Variants in ANKRD28 observed in about 807,000 individuals in gnomAD.
ANKRD28 encodes the protein serine/threonine-protein phosphatase 6 regulatory ankyrin repeat subunit A.
A neutral mutation model predicts 126.5 loss-of-function variants in ANKRD28; 44 were observed. That is an observed-to-expected ratio of 0.35 (90% confidence interval 0.27 to 0.45). The LOEUF is 0.45. ANKRD28 is among the 20% of genes least tolerant of loss of function. The pLI, the probability that ANKRD28 is intolerant of heterozygous loss-of-function variation, is 1.00. For synonymous variants in ANKRD28, 442 were observed against 468.5 expected, an observed-to-expected ratio of 0.94 and a Z score of 0.73; for missense variants, 1,110 against 1,316.6, an observed-to-expected ratio of 0.84 and a Z score of 2.43.
intron 1 of ANKRD28, among the ~76,000 whole-genome samples, chr3:15,835,175 G>C (rs190693931): frequency 1.0e-3 from 153 of 152,134 alleles, no homozygotes; most frequent in African/African-American, 3.4e-3. Flanking sequence ...AAAAGAAAGA[G>C]AGAATTAAAA....
At chr3:15,684,505 T>G (rs770158344) in intron 21 of ANKRD28, 1 of 152,198 alleles carries the variant, frequency 6.6e-6, no homozygotes, top group African/African-American at 2.4e-5. Context: ...TCAGAAAACA[T>G]ACATAGATTT....
chr3:15,853,626 C>T lies in ANKRD28; in HGVS notation c.27+5751G>A, dbSNP rs1225523415. ...CTGGGACTACAGGCGCCCGCCACCACGCCTGGCTAATTTTTTGTATTTTTA... is the reference window on the plus strand; with the variant it reads ...CTGGGACTACAGGCGCCCGCCACCATGCCTGGCTAATTTTTTGTATTTTTA... On this transcript the variant is annotated intron_variant, in intron 1 of 27. Coordinates refer to the ANKRD28 transcript ENST00000399451. This position sits in a 1 kb window ranked among gnomAD's most constrained non-coding sequence, Gnocchi z 4.2. 4.6e-5 allele frequency among the ~76,000 whole-genome samples: 7 copies of T among 152,108 alleles called. No homozygotes were observed. The highest frequency in any genetic ancestry group is 1.9e-4 in the East Asian group (1 of 5,168).
intron 4 of ANKRD28, among the ~76,000 whole-genome samples, chr3:15,743,893 G>A (rs2057299031): frequency 6.6e-6 from 1 of 152,144 alleles, no homozygotes; most frequent in South Asian, 2.1e-4. Context: ...TCTCTTCTAT[G>A]CATCTATCAC....
intron 5 of ANKRD28, among the ~76,000 whole-genome samples, chr3:15,736,576 A>G (rs2075030810): frequency 6.6e-6 from 1 of 152,252 alleles, no homozygotes. Context: ...TATGACACCT[A>G]GCACAGACAA....
At chr3:15,727,583 A>AG (rs1335570519) in intron 6 of ANKRD28, among the ~76,000 whole-genome samples, 259 of 150,060 alleles carry the variant, frequency 1.7e-3, no homozygotes, top group African/African-American at 6.0e-3. Flanking sequence ...AAAAAAAAAA[A>AG]AAAAAAAGAA....
chr3:15,711,344 A>G lies in ANKRD28; in HGVS notation c.1274-70T>C, dbSNP rs562112353. 3.4e-4 allele frequency: 450 copies of G among 1,325,502 alleles called. 1 individual carries two copies. The African/African-American group carries it at 5.4e-3, about 16-fold the overall frequency. The allele number at this position is 1,325,502 out of a possible 1,614,324, so 82.1% of individuals were successfully genotyped here. The stretch of plus-strand genomic sequence containing the variant: ...ACACTAAAGAATTGTGTCATGAAAC[A>G]TCAAGAATCACATCCTCCCCTCCAA... On this transcript the variant is annotated intron_variant, in intron 11 of 27. Coordinates refer to ENST00000683139, the MANE Select transcript of ANKRD28 (RefSeq NM_001349278.2).
In ANKRD28 at chr3:15,687,498, T is replaced by C. The variant is rs190956434; in HGVS notation, c.1964-1189A>G. On this transcript the variant is annotated intron_variant, in intron 18 of 27. Transcript: ENST00000683139. ...GCAAAATTCAGGTCCTGTTAATATA[T>C]ACAAAGTCTGAAGTTTAAAGAAATA... Among the ~76,000 whole-genome samples the C allele has an allele frequency of 1.0e-3, 157 of 152,286 alleles. 3 individuals are homozygous for C. The highest frequency in any genetic ancestry group is 1.8e-3 in the Non-Finnish European group (122 of 68,016).
chr3:15,808,629 T>C lies in ANKRD28; in HGVS notation c.28-13323A>G, dbSNP rs145951934. ...AGAGGAAAAGGTTCATTCAAGACTG[T>C]ATCTATCTTCTAATAGACCTTACTT... On this transcript the variant is annotated intron_variant, in intron 1 of 27. Coordinates refer to the ANKRD28 transcript ENST00000399451. Among the ~76,000 whole-genome samples the C allele has an allele frequency of 1.3e-3, 201 of 152,368 alleles. 2 individuals are homozygous for C. The highest frequency in any genetic ancestry group is 4.5e-3 in the African/African-American group (188 of 41,592).
intron 14 of ANKRD28, among the ~76,000 whole-genome samples, chr3:15,707,626 G>A (rs1270477323): frequency 6.6e-6 from 1 of 152,112 alleles, no homozygotes; most frequent in Non-Finnish European, 1.5e-5. Context: ...CCTCTAAGAA[G>A]TCAGGTGGAA....
upstream of ANKRD28, among the ~76,000 whole-genome samples, chr3:15,802,689 G>C (rs957393169): frequency 6.6e-6 from 1 of 152,170 alleles, no homozygotes; most frequent in African/African-American, 2.4e-5. Context: ...AGAGGAGAGA[G>C]AAAGAGATGG....
rs181456177 is a variant in ANKRD28, at chr3:15,686,267, T to C, written c.2006A>G (p.Asn669Ser). 3.6e-4 allele frequency: 577 copies of C among 1,592,668 alleles called. 5 individuals carry two copies. In the South Asian group the frequency reaches 4.9e-3, roughly 13 times the overall value. ...HSECLRLLIG[N>S]AEPQNAVDIQ... ...ATCCACTGCATTCTGTGGTTCTGCA[T>C]TTCCTATTAATAGCCGTAAGCATTC... is the stretch of plus-strand genomic sequence containing the variant. The change falls in exon 19 of 28, where the codon AAT becomes AGT. Residue 669 changes from asparagine (N) to serine (S), a missense_variant. By Grantham distance (46) the Asn-to-Ser change is conservative. Transcript: ENST00000683139.
intron 2 of ANKRD28, among the ~76,000 whole-genome samples, chr3:15,777,747 T>C (rs1171445133): frequency 1.3e-5 from 2 of 151,998 alleles, no homozygotes; most frequent in African/African-American, 2.4e-5. Flanking sequence ...TATGAAATAG[T>C]AAGTTTGTTA....
chr3:15,778,844 G>A (rs779601142), intron 2 of ANKRD28, among the ~76,000 whole-genome samples: 6 of 152,176 alleles, frequency 3.9e-5, no homozygotes, highest in Non-Finnish European at 7.3e-5. Flanking sequence ...ATGGGACTAG[G>A]TGGAGGTAAA....
At chr3:15,740,488 A>T (rs1575471381) in intron 4 of ANKRD28, among the ~76,000 whole-genome samples, 1 of 152,250 alleles carries the variant, frequency 6.6e-6, no homozygotes, top group African/African-American at 2.4e-5. Context: ...TGAGAACAGT[A>T]CATTGTGACT....
Position 15,812,755 on chromosome 3 carries a change from C to T in ANKRD28, c.28-17449G>A, listed in dbSNP as rs2060742840. On this transcript the variant is annotated intron_variant, in intron 1 of 27. Coordinates refer to the ANKRD28 transcript ENST00000399451. This position sits in a 1 kb window ranked among gnomAD's most constrained non-coding sequence, Gnocchi z 4.1. ...TTTCCAATGGAACTCTAGTTACCAA[C>T]AGCCATCCCACAGAACAACAAATAA... 1.3e-5 allele frequency among the ~76,000 whole-genome samples: 2 copies of T among 152,130 alleles called. No homozygotes were observed. Among genetic ancestry groups the T allele is most frequent in the Admixed American group, 6.5e-5 (1 of 15,272 alleles).
chr3:15,675,314 G>A (rs1430625270), intron 27 of ANKRD28, among the ~76,000 whole-genome samples: 1 of 152,162 alleles, frequency 6.6e-6, no homozygotes, highest in African/African-American at 2.4e-5. Flanking sequence ...GGAAGAATGA[G>A]AGGAATAACT....
At chr3:15,779,300 A>G (rs1282840647) in intron 2 of ANKRD28, among the ~76,000 whole-genome samples, 1 of 152,220 alleles carries the variant, frequency 6.6e-6, no homozygotes, top group Non-Finnish European at 1.5e-5. Context: ...GAAATTATGC[A>G]TGATTGGACT....
In ANKRD28 at chr3:15,833,856, A is replaced by AT. The variant is rs2061262945; in HGVS notation, c.27+25520dup. Among the ~76,000 whole-genome samples, 1 of 152,004 alleles carries AT rather than the reference A, an allele frequency of 6.6e-6. No homozygotes were observed. The highest frequency in any genetic ancestry group is 6.5e-5 in the Admixed American group (1 of 15,270). On this transcript the variant is annotated intron_variant, in intron 1 of 27. Coordinates refer to the ANKRD28 transcript ENST00000399451. This position sits in a 1 kb window ranked among gnomAD's most constrained non-coding sequence, Gnocchi z 4.4. ...TCTTTTATGACTAATGATGTTGAGG[A>AT]TTTTTTCATGTTTTTTGGCCACTTG...
chr3:15,705,234 C>CT (rs2125997183), intron 14 of ANKRD28, among the ~76,000 whole-genome samples: 1 of 152,292 alleles, frequency 6.6e-6, no homozygotes, highest in African/African-American at 2.4e-5. Context: ...GATTTTAGTA[C>CT]TAGTACCCTT....
Sources: allele counts gnomAD v4.1 joint callset (sites outside exome capture counted in the v4.1 genomes callset), GRCh38; gene constraint gnomAD v4.1.1; non-coding constraint Gnocchi (gnomAD v3.1); transcripts MANE v1.5; gene names NCBI Gene and HGNC (gene_info 2026-07-23, HGNC 2026-07-21).